Variants in BRD4 observed in about 807,000 individuals in gnomAD.
BRD4 encodes the protein bromodomain-containing protein 4.
In BRD4, 16 loss-of-function variants were observed where a neutral mutation model predicts 142.1. The observed-to-expected ratio is 0.11, with a 90% CI of 0.08 to 0.17. BRD4 has a LOEUF of 0.17. Among genes scored for constraint, BRD4 ranks in the 10% least tolerant of loss-of-function variants. BRD4 has a pLI of 1.00. For synonymous variants in BRD4, 833 were observed against 707.5 expected (o/e 1.18, Z -2.82); for missense variants, 1,424 against 1,810.9 (o/e 0.79, Z 3.88).
At chr19:15,299,652 G>A (rs916309712) in intron 1 of BRD4, among the ~76,000 whole-genome samples, 1 of 152,192 alleles carries the variant, frequency 6.6e-6, no homozygotes, top group Admixed American at 6.5e-5. Context: ...ACATTTACAG[G>A]GACATGTTTC....
At chr19:15,289,677 G>A (rs2079013) in intron 1 of BRD4, among the ~76,000 whole-genome samples, 9,947 of 142,120 alleles carry the variant, frequency 0.07, 477 homozygotes, top group Non-Finnish European at 0.11. Context: ...AAAAAAAAAA[G>A]AAAAAAAAAA....
chr19:15,265,316 C>A, intron 5 of BRD4, 38 bp downstream of exon 5: 2 of 1,463,848 alleles, frequency 1.4e-6, no homozygotes, highest in East Asian at 4.8e-5. Context: ...CCGCTCTCCT[C>A]CCTGGTGAAG....
chr19:15,261,045 G>A (rs922211780), intron 7 of BRD4, among the ~76,000 whole-genome samples: 2 of 152,196 alleles, frequency 1.3e-5, no homozygotes, highest in Non-Finnish European at 2.9e-5. Context: ...GTAGATGAAG[G>A]GCATGGGTAT....
At chr19:15,246,251 G>C (rs1039655978) in intron 11 of BRD4, among the ~76,000 whole-genome samples, 11 of 152,314 alleles carry the variant, frequency 7.2e-5, no homozygotes, top group Non-Finnish European at 1.2e-4. Context: ...TGCAGTGTCA[G>C]GGCAACAGGG....
chr19:15,271,495 T>C (rs2047586827), intron 2 of BRD4, among the ~76,000 whole-genome samples: 1 of 152,328 alleles, frequency 6.6e-6, no homozygotes, highest in Admixed American at 6.5e-5. Context: ...GTAGGCCTTC[T>C]GCCTTCCCTC....
intron 2 of BRD4, 95 bp from the exon 3 acceptor site, chr19:15,269,137 C>A: frequency 7.0e-7 from 1 of 1,433,918 alleles, no homozygotes. Flanking sequence ...TCACCCCTGG[C>A]TGCTCCACAG....
intron 11 of BRD4, chr19:15,248,623 C>T (rs781469055): frequency 1.3e-5 from 3 of 226,712 alleles, no homozygotes; most frequent in Admixed American, 5.7e-5. Flanking sequence ...ACAATGGAGA[C>T]GAAGGAGGAA....
Position 15,240,003 on chromosome 19 carries a change from G to C in BRD4, c.3189C>G (p.Pro1063=). ...PYSTGHLREA[P]SPLMIHSPQM... ...GGGGGGAATGTATCATAAGCGGGGA[G>C]GGGGCTTCGCGGAGGTGACCTAGGA... The change falls in exon 15 of 20, where the codon CCC becomes CCG. Residue 1063 remains proline, a synonymous_variant. Coordinates refer to ENST00000679869, the MANE Select transcript of BRD4 (RefSeq NM_001379291.1). 1 of 1,612,790 alleles carries C rather than the reference G, an allele frequency of 6.2e-7. No homozygotes were observed. Among genetic ancestry groups the C allele is most frequent in the Non-Finnish European group, 8.5e-7 (1 of 1,179,552 alleles).
chr19:15,301,865 G>GAAAAAA (rs952860124), intron 1 of BRD4, among the ~76,000 whole-genome samples: 3 of 40,486 alleles, frequency 7.4e-5, no homozygotes, highest in Admixed American at 3.1e-4. Context: ...CCGTCTCAAA[G>GAAAAAA]AAAAAAAAAA....
chr19:15,276,563 C>T (rs1431889979), intron 1 of BRD4, among the ~76,000 whole-genome samples: 1 of 152,142 alleles, frequency 6.6e-6, no homozygotes, highest in Non-Finnish European at 1.5e-5. Context: ...CTACTGAGTT[C>T]CATGGTCAGC....
intron 11 of BRD4, among the ~76,000 whole-genome samples, chr19:15,252,049 T>C (rs2047353312): frequency 6.6e-6 from 1 of 152,150 alleles, no homozygotes; most frequent in African/African-American, 2.4e-5. Context: ...TGTTGCACAA[T>C]CTTTCCACTT....
chr19:15,258,266 A>C (rs1047208051), intron 7 of BRD4, among the ~76,000 whole-genome samples: 1 of 151,330 alleles, frequency 6.6e-6, no homozygotes, highest in Non-Finnish European at 1.5e-5. Context: ...CAGGCATCCC[A>C]TATAACTGTG....
At chr19:15,322,348 T>C (rs1022879303) in intron 1 of BRD4, among the ~76,000 whole-genome samples, 1 of 152,018 alleles carries the variant, frequency 6.6e-6, no homozygotes, top group Non-Finnish European at 1.5e-5. Context: ...CTCGGCTCAC[T>C]GCAAGCTCCG....
chr19:15,311,805 A>G (rs1219802024), intron 1 of BRD4, among the ~76,000 whole-genome samples: 2 of 152,018 alleles, frequency 1.3e-5, no homozygotes, highest in Admixed American at 6.6e-5. Context: ...TCCATCTCAA[A>G]CAAACAAACG....
At chr19:15,287,529 C>T (rs2047749250) in intron 1 of BRD4, among the ~76,000 whole-genome samples, 1 of 151,744 alleles carries the variant, frequency 6.6e-6, no homozygotes, top group South Asian at 2.1e-4. Context: ...ACAGATGAGC[C>T]ACCACAACTG....
chr19:15,294,241 C>T (rs779140887), intron 1 of BRD4, among the ~76,000 whole-genome samples: 1 of 152,248 alleles, frequency 6.6e-6, no homozygotes, highest in Non-Finnish European at 1.5e-5. Flanking sequence ...TTCTTGTTCC[C>T]TTGCATTTCT....
intron 2 of BRD4, 71 bp downstream of exon 2, chr19:15,272,744 T>C: frequency 6.9e-7 from 1 of 1,454,514 alleles, no homozygotes; most frequent in African/African-American, 1.4e-5. Context: ...CCCCAGGAAC[T>C]GCCCTGACCA....
At chr19:15,312,787 T>C (rs1206828517) in intron 1 of BRD4, among the ~76,000 whole-genome samples, 1 of 151,554 alleles carries the variant, frequency 6.6e-6, no homozygotes, top group Non-Finnish European at 1.5e-5. Flanking sequence ...AATACAAAAT[T>C]AGCCGGGCGT....
At chr19:15,280,215 G>T in intron 1 of BRD4, 1 of 997,538 alleles carries the variant, frequency 1.0e-6, no homozygotes, top group Non-Finnish European at 1.2e-6. Context: ...GACGTCATTT[G>T]GAACAGTGTG....
Sources: allele counts gnomAD v4.1 joint callset (sites outside exome capture counted in the v4.1 genomes callset), GRCh38; gene constraint gnomAD v4.1.1; transcripts MANE v1.5; gene names NCBI Gene and HGNC (gene_info 2026-07-23, HGNC 2026-07-21).